Variants in CEP250 observed in about 807,000 individuals in gnomAD.
CEP250 encodes centrosome-associated protein CEP250.
A neutral mutation model predicts 315.7 loss-of-function variants in CEP250; 242 were observed. That is an observed-to-expected ratio of 0.77 (90% CI 0.69 to 0.85). The LOEUF is 0.85. Ranked by LOEUF, CEP250 falls within the 40% of genes least tolerant of loss-of-function variation. The pLI is 0.00. For missense variants in CEP250, 2,515 were observed against 2,886.4 expected, an observed-to-expected ratio of 0.87 and a Z score of 2.95; for synonymous variants, 1,088 against 1,175.0, an observed-to-expected ratio of 0.93 and a Z score of 1.51.
At chr20:35,501,094 G>A (rs563584693) in intron 28 of CEP250, among the ~76,000 whole-genome samples, 2 of 152,318 alleles carry the variant, frequency 1.3e-5, no homozygotes, top group African/African-American at 4.8e-5. Flanking sequence ...ATATATCCAT[G>A]TGCCAGCCAA....
At position 35,503,836 on chromosome 20, in the gene CEP250, C is replaced by A. The variant is rs764031557; in HGVS notation, c.5467C>A (p.Gln1823Lys). 6.2e-7 allele frequency: 1 copy of A among 1,613,988 alleles called. No homozygotes were observed. The highest frequency in any genetic ancestry group is 1.1e-5 in the South Asian group (1 of 91,084). Residue 1823 changes from glutamine to lysine, a missense_variant, in exon 30 of 35, where the codon CAG becomes AAG. Transcript: ENST00000397527. The surrounding 1 kb of genome is among the most constrained non-coding windows in gnomAD (Gnocchi z 4.2). ...GAGGGACCAGGAACTGGAGGCTCTG[C>A]AGCAAGAACAGCAGCAGGCCCAGGG... The part of the protein sequence containing the change: ...AQRDQELEAL[Q>K]QEQQQAQGQE...
chr20:35,467,347 T>C lies in CEP250; in HGVS notation c.643T>C (p.Ser215Pro). 6.2e-7 allele frequency: 1 copy of C among 1,613,982 alleles called. No homozygotes were observed. Among genetic ancestry groups the C allele is most frequent in the Non-Finnish European group, 8.5e-7 (1 of 1,179,944 alleles). Reference sequence around the variant, plus strand: ...AGCTGAGCATGTGAGGCTTTCAGGGTCTCTGTTGACCTGTTGTCTGCGCTT... The same window carrying C: ...AGCTGAGCATGTGAGGCTTTCAGGGCCTCTGTTGACCTGTTGTCTGCGCTT... ...LKAEHVRLSG[S>P]LLTCCLRLTV... The change falls in exon 9 of 35, where the codon TCT becomes CCT. Residue 215 changes from serine (S) to proline (P), a missense_variant. Ser to Pro is a moderately conservative substitution (Grantham distance 74). Coordinates refer to ENST00000397527, the MANE Select transcript of CEP250 (RefSeq NM_007186.6).
intron 20 of CEP250, among the ~76,000 whole-genome samples, chr20:35,480,436 G>C (rs562676895): frequency 2.0e-5 from 3 of 151,978 alleles, no homozygotes; most frequent in African/African-American, 4.8e-5. Context: ...GGATGAAAAC[G>C]GGGGAGAGGA....
chr20:35,500,663 G>A (rs575405364), intron 28 of CEP250, among the ~76,000 whole-genome samples: 4 of 152,310 alleles, frequency 2.6e-5, no homozygotes, highest in Admixed American at 1.3e-4. Context: ...CGCCTGCCTC[G>A]ACCTCCCAAA....
In CEP250 at chr20:35,517,105, C is replaced by A; in HGVS notation, c.*5479C>A. The A allele has an allele frequency of 1.3e-6, 1 of 782,098 alleles. No homozygotes were observed. Among genetic ancestry groups the A allele is most frequent in the Non-Finnish European group, 1.6e-6 (1 of 644,244 alleles). 48.4% of individuals were successfully genotyped at this position (782,098 alleles called of 1,614,324 possible). A position where few individuals can be genotyped will look rare whatever the true frequency, so the allele number is the denominator to read the frequency against. On this transcript the variant is annotated 3_prime_UTR_variant, in exon 35 of 35. Transcript: ENST00000397527. The stretch of plus-strand genomic sequence containing the variant: ...CCTCCATCCCTTCCTCAACCGTCCG[C>A]AGAACACCTCCTTCCAGCACCTTAG...
chr20:35,512,156 C>G lies in CEP250; in HGVS notation c.*530C>G. The stretch of plus-strand genomic sequence containing the variant: ...AAAGCCCCTGTCCACAGACAGCCTA[C>G]AGTCCAGTTGATGAGAACAGGCTAA... On this transcript the variant is annotated 3_prime_UTR_variant, in exon 35 of 35. Coordinates refer to ENST00000397527, the MANE Select transcript of CEP250 (RefSeq NM_007186.6). The G allele has an allele frequency of 2.0e-6, 1 of 488,556 alleles. No homozygotes were observed. The highest frequency in any genetic ancestry group is 2.7e-6 in the Non-Finnish European group (1 of 374,672). The allele number at this position is 488,556 out of a possible 1,614,324, so 30.3% of individuals were successfully genotyped here. A position where few individuals can be genotyped will look rare whatever the true frequency, so the allele number is the denominator to read the frequency against.
chr20:35,491,056 T>C (rs1414962992), intron 21 of CEP250, 156 bp from the exon 22 acceptor site: 9 of 941,588 alleles, frequency 9.6e-6, no homozygotes, highest in Non-Finnish European at 1.4e-5. Context: ...TCTTTGCACT[T>C]CCTTGTTCTG....
chr20:35,476,244 A>G (rs1432432478), intron 15 of CEP250: 6 of 470,240 alleles, frequency 1.3e-5, no homozygotes, highest in South Asian at 3.5e-5. Context: ...TCATTTCTCT[A>G]TCCTAACTTT....
rs569197635 is a variant in CEP250, at chr20:35,503,563, C to T, written c.5194C>T (p.Arg1732Cys). The T allele has an allele frequency of 8.1e-6, 13 of 1,614,034 alleles. No homozygotes were observed. The East Asian group carries it at 8.9e-5, about 11-fold the overall frequency. Reference sequence around the variant, plus strand: ...CCTAGAGCACATGAAGCTGATCCTGCGTGATAAGGAGAAGGAGGTGGAATG... The same window carrying T: ...CCTAGAGCACATGAAGCTGATCCTGTGTGATAAGGAGAAGGAGGTGGAATG... ...GSLEHMKLIL[R>C]DKEKEVECQQ... The change falls in exon 30 of 35, where the codon CGT (arginine) becomes TGT (cysteine). Residue 1732 changes from arginine to cysteine, a missense_variant. Arg to Cys is a radical substitution (Grantham distance 180, BLOSUM62 -3). Transcript: ENST00000397527. The surrounding 1 kb of genome is among the most constrained non-coding windows in gnomAD (Gnocchi z 4.2).
Position 35,467,567 on chromosome 20 carries a change from T to G in CEP250, c.851+12T>G. ...GAACTTCAGGACCGGTGAGATGGCC[T>G]GGGGTCCCAAGAAGGGTTCGCTGAG... On this transcript the variant is annotated intron_variant, in intron 9 of 34. Transcript: ENST00000397527. 1.9e-6 allele frequency: 3 copies of G among 1,611,922 alleles called. No homozygotes were observed. Among genetic ancestry groups the G allele is most frequent in the Non-Finnish European group, 2.5e-6 (3 of 1,179,092 alleles).
At chr20:35,479,153 C>T in intron 17 of CEP250, 78 bp from the exon 18 acceptor site, 2 of 1,381,188 alleles carry the variant, frequency 1.4e-6, no homozygotes. Flanking sequence ...TCTGAAGAGG[C>T]AATGACCCTA....
At chr20:35,470,797 C>G (rs1270150723) in intron 10 of CEP250, among the ~76,000 whole-genome samples, 1 of 152,080 alleles carries the variant, frequency 6.6e-6, no homozygotes, top group Non-Finnish European at 1.5e-5. Flanking sequence ...TTTTCCAGGG[C>G]AAAACCAATG....
chr20:35,469,181 T>C, intron 9 of CEP250, among the ~76,000 whole-genome samples: 1 of 152,096 alleles, frequency 6.6e-6, no homozygotes. Flanking sequence ...AGCCATGTGG[T>C]GGCATGCACC....
intron 9 of CEP250, 48 bp downstream of exon 9, chr20:35,467,603 C>A: frequency 6.3e-7 from 1 of 1,594,572 alleles, no homozygotes; most frequent in Non-Finnish European, 8.5e-7. Flanking sequence ...AGAGAGCTGA[C>A]TCCTTTAGAG....
chr20:35,473,514 G>T lies in CEP250; in HGVS notation c.1350G>T (p.Gln450His). The change falls in exon 13 of 35, where the codon CAG (glutamine) becomes CAT (histidine). Residue 450 changes from glutamine to histidine, a missense_variant. By Grantham distance (24) the Gln-to-His change is conservative. Coordinates refer to ENST00000397527, the MANE Select transcript of CEP250 (RefSeq NM_007186.6). ...GGGAGCGGGACACTCTGGCAGGGCA[G>T]ACTGTGGACCTCCAGGGAGAGGTGG... ...LTGERDTLAG[Q>H]TVDLQGEVDS... 1 of 1,614,064 alleles carries T rather than the reference G, an allele frequency of 6.2e-7. No homozygotes were observed. Among genetic ancestry groups the T allele is most frequent in the East Asian group, 2.2e-5 (1 of 44,874 alleles).
chr20:35,481,515 A>G (rs912416321), intron 20 of CEP250, among the ~76,000 whole-genome samples: 3 of 151,990 alleles, frequency 2.0e-5, no homozygotes, highest in African/African-American at 7.3e-5. Context: ...ACCACAAATT[A>G]TGATTTTTTT....
At chr20:35,458,443 A>C (rs1308698224) in intron 2 of CEP250, 69 bp downstream of exon 2, 4 of 152,224 alleles carry the variant, frequency 2.6e-5, no homozygotes, top group Non-Finnish European at 5.9e-5. Flanking sequence ...ATGAGTGTTT[A>C]TGGGATAAAT....
chr20:35,503,046 C>T lies in CEP250; in HGVS notation c.4677C>T (p.Ala1559=), dbSNP rs1442980340. ...KKQLVTLECL[A]LELEENHHKM... is the part of the protein sequence containing the mutation. ...AGTTGGTTACTCTGGAATGCCTGGC[C>T]CTGGAACTGGAGGAAAACCATCACA... The change falls in exon 30 of 35, where the codon GCC becomes GCT. Residue 1559 remains alanine (A), a synonymous_variant. Transcript: ENST00000397527. The surrounding 1 kb of genome is among the most constrained non-coding windows in gnomAD (Gnocchi z 4.2). 1 of 1,614,086 alleles carries T rather than the reference C, an allele frequency of 6.2e-7. No individual in the cohort carries two copies. Among genetic ancestry groups the T allele is most frequent in the Non-Finnish European group, 8.5e-7 (1 of 1,180,024 alleles).
chr20:35,477,370 A>G (rs6119613), intron 16 of CEP250, among the ~76,000 whole-genome samples: 52,061 of 151,530 alleles, frequency 0.34, 10,324 homozygotes, highest in African/African-American at 0.54. Context: ...GGCCAGGCTG[A>G]TCTTGAACTC....
Sources: allele counts gnomAD v4.1 joint callset (sites outside exome capture counted in the v4.1 genomes callset), GRCh38; gene constraint gnomAD v4.1.1; non-coding constraint Gnocchi (gnomAD v3.1); transcripts MANE v1.5; gene names NCBI Gene and HGNC (gene_info 2026-07-23, HGNC 2026-07-21).